B4GALNT2: variants seen among roughly 807,000 people sequenced by gnomAD.
B4GALNT2 encodes N-acetylneuraminylgalactosylglucosyl-glucoside beta-1,4-N- acetylgalactosaminyltransferase 2.
In B4GALNT2, 42 loss-of-function variants were observed where a neutral mutation model predicts 51.1. The ratio of observed to expected loss-of-function variants is 0.82; its 90% CI spans 0.64 to 1.06. The LOEUF (loss-of-function observed/expected upper bound fraction) is 1.06. Among genes scored for constraint, B4GALNT2 ranks in the 50% least tolerant of loss-of-function variants. B4GALNT2 has a pLI of 0.00. For missense variants in B4GALNT2, 602 were observed against 633.6 expected, an observed-to-expected ratio of 0.95 and a Z score of 0.54; for synonymous variants, 253 against 251.7, an observed-to-expected ratio of 1.01 and a Z score of -0.05.
chr17:49,141,227 G>C lies in B4GALNT2; in HGVS notation c.15-20G>C, dbSNP rs886390061. 1 of 1,602,784 alleles carries C rather than the reference G, an allele frequency of 6.2e-7. No individual in the cohort carries two copies. Among genetic ancestry groups the C allele is most frequent in the Non-Finnish European group, 8.5e-7 (1 of 1,169,776 alleles). ...AAGAAAAAAGATTTTAACATAATCT[G>C]TTCTTTTGTGTCCCAACAGCTCGAG... On this transcript the variant is annotated intron_variant, in intron 1 of 10. Transcript: ENST00000393354.
chr17:49,154,022 TG>T (rs1187269475), intron 4 of B4GALNT2, among the ~76,000 whole-genome samples: 107 of 144,298 alleles, frequency 7.4e-4, no homozygotes, highest in African/African-American at 1.7e-3. Context: ...TTTTTTTTTT[TG>T]GGGACGGAGT....
upstream of B4GALNT2, among the ~76,000 whole-genome samples, chr17:49,129,618 A>ATTTTTT (rs35573556): frequency 0.06 from 9,127 of 151,466 alleles, 298 homozygotes; most frequent in African/African-American, 0.087. Flanking sequence ...CTTCTGGCCG[A>ATTTTTT]TTTTTTGGTC....
chr17:49,151,102 C>T (rs757405015), intron 3 of B4GALNT2, among the ~76,000 whole-genome samples: 83,755 of 83,804 alleles, frequency 1, 41,854 homozygotes, highest in Middle Eastern at 1. Flanking sequence ...AGGCCGGGCG[C>T]GGTGGCTCAC....
At chr17:49,125,642 G>A in the B4GALNT2 span, among the ~76,000 whole-genome samples, 10 of 135,796 alleles carry the variant, frequency 7.4e-5, no homozygotes, top group Admixed American at 6.6e-4. Flanking sequence ...GCCCGGCCGC[G>A]GCCCCGTCTG....
chr17:49,147,985 T>TATATATA (rs2042712879), intron 3 of B4GALNT2, among the ~76,000 whole-genome samples: 1 of 148,752 alleles, frequency 6.7e-6, no homozygotes, highest in African/African-American at 2.5e-5. Context: ...TATATATATA[T>TATATATA]TTCAGATTAT....
chr17:49,140,846 G>A (rs2042637162), intron 1 of B4GALNT2, among the ~76,000 whole-genome samples: 1 of 150,710 alleles, frequency 6.6e-6, no homozygotes, highest in South Asian at 2.1e-4. Flanking sequence ...AGCCTCCCAA[G>A]TAGCTGGCAC....
At chr17:49,158,569 T>C (rs1325918574) in intron 5 of B4GALNT2, among the ~76,000 whole-genome samples, 9 of 122,654 alleles carry the variant, frequency 7.3e-5, no homozygotes, top group African/African-American at 2.9e-4. Flanking sequence ...ACCTGGGAGG[T>C]GGAGGTTGCA....
chr17:49,132,626 G>T (rs1316145335), upstream of B4GALNT2: 6 of 680,948 alleles, frequency 8.8e-6, no homozygotes, highest in African/African-American at 5.6e-5. Flanking sequence ...AGAGATGGGG[G>T]CGCTGGTGTG....
intron 3 of B4GALNT2, among the ~76,000 whole-genome samples, chr17:49,144,018 G>T (rs1478393910): frequency 6.6e-6 from 1 of 152,144 alleles, no homozygotes; most frequent in Admixed American, 6.5e-5. Context: ...CTGTGGTGGT[G>T]AGTGCCTGTA....
intron 1 of B4GALNT2, among the ~76,000 whole-genome samples, chr17:49,136,402 T>C (rs1297478601): frequency 6.6e-6 from 1 of 151,896 alleles, no homozygotes; most frequent in Non-Finnish European, 1.5e-5. Flanking sequence ...AGGCATACAA[T>C]CGAATAAAGT....
chr17:49,128,049 CTT>C (rs568613326), upstream of B4GALNT2, among the ~76,000 whole-genome samples: 1 of 152,066 alleles, frequency 6.6e-6, no homozygotes, highest in East Asian at 1.9e-4. Flanking sequence ...GCTGAGCACT[CTT>C]TTTTTTATCA....
At chr17:49,158,817 C>G (rs1241029958) in intron 5 of B4GALNT2, among the ~76,000 whole-genome samples, 1 of 151,818 alleles carries the variant, frequency 6.6e-6, no homozygotes, top group African/African-American at 2.4e-5. Context: ...GAAATGGGTC[C>G]TTTCATCCTT....
chr17:49,146,138 T>C (rs879527892), intron 3 of B4GALNT2, among the ~76,000 whole-genome samples: 3 of 152,152 alleles, frequency 2.0e-5, no homozygotes, highest in Non-Finnish European at 4.4e-5. Context: ...AGAGCATACA[T>C]GGCCTTCTGG....
intron 3 of B4GALNT2, among the ~76,000 whole-genome samples, chr17:49,152,085 A>G (rs2042762909): frequency 6.6e-6 from 1 of 151,940 alleles, no homozygotes; most frequent in Admixed American, 6.6e-5. Context: ...TAAAAAAAAT[A>G]TGCTTTGTTA....
At chr17:49,135,264 C>T (rs2042579334) in intron 1 of B4GALNT2, among the ~76,000 whole-genome samples, 1 of 152,090 alleles carries the variant, frequency 6.6e-6, no homozygotes, top group Non-Finnish European at 1.5e-5. Flanking sequence ...CACTTATTTG[C>T]TTATTCCTGA....
At chr17:49,128,849 G>C (rs1282949549), upstream of B4GALNT2, among the ~76,000 whole-genome samples, 1 of 152,170 alleles carries the variant, frequency 6.6e-6, no homozygotes, top group Non-Finnish European at 1.5e-5. Flanking sequence ...GGATTGTTTG[G>C]TACCCATGTG....
At chr17:49,137,714 G>A (rs1249213509) in intron 1 of B4GALNT2, among the ~76,000 whole-genome samples, 1 of 152,050 alleles carries the variant, frequency 6.6e-6, no homozygotes, top group Non-Finnish European at 1.5e-5. Context: ...ATATTTAATT[G>A]TTCCCTCCCA....
At chr17:49,134,848 C>T (rs1175595756) in intron 1 of B4GALNT2, among the ~76,000 whole-genome samples, 1 of 152,210 alleles carries the variant, frequency 6.6e-6, no homozygotes, top group East Asian at 1.9e-4. Context: ...GCCTCAGCCT[C>T]CCAAAGTGCT....
intron 1 of B4GALNT2, among the ~76,000 whole-genome samples, chr17:49,136,658 T>C (rs886751386): frequency 3.9e-5 from 6 of 152,200 alleles, no homozygotes; most frequent in Non-Finnish European, 5.9e-5. Context: ...GTGATTCTTA[T>C]ATCTCAGCCT....
Sources: gnomAD v4.1 joint callset for allele counts (sites outside exome capture counted in the v4.1 genomes callset) on GRCh38, gnomAD v4.1.1 for gene constraint, MANE v1.5 for transcripts, NCBI Gene and HGNC (gene_info 2026-07-23, HGNC 2026-07-21) for gene names.